The following PLXNA4 variants were observed in gnomAD, a reference collection of about 807,000 sequenced individuals.
PLXNA4 encodes plexin A4, also known as plexin-A4.
Under a neutral mutation model 191.8 loss-of-function variants are expected in PLXNA4, and 44 were observed. That is an observed-to-expected ratio of 0.23 (90% CI 0.18 to 0.29). The LOEUF (loss-of-function observed/expected upper bound fraction) is 0.29, where lower values mean the gene tolerates loss of function less well. Ranked by LOEUF, PLXNA4 falls within the 10% of genes least tolerant of loss-of-function variation. The probability of loss-of-function intolerance (pLI) is 1.00; values close to 1 mark genes in which losing one functional copy is unlikely to be tolerated. For missense variants in PLXNA4, 1,800 were observed against 2,488.8 expected, an observed-to-expected ratio of 0.72 and a Z score of 5.89; for synonymous variants, 1,082 against 1,009.5, an observed-to-expected ratio of 1.07 and a Z score of -1.36.
intron 3 of PLXNA4, among the ~76,000 whole-genome samples, chr7:132,448,669 T>C (rs1489370269): frequency 1.3e-5 from 2 of 152,200 alleles, no homozygotes; most frequent in African/African-American, 4.8e-5. Flanking sequence ...ATTTCTTCTC[T>C]AAGGAAAGCA....
chr7:132,577,465 C>G (rs1174328460), upstream of PLXNA4, among the ~76,000 whole-genome samples: 1 of 151,050 alleles, frequency 6.6e-6, no homozygotes, highest in Non-Finnish European at 1.5e-5. Context: ...CGCTCCCTCT[C>G]TGGCTCGCTC....
chr7:132,482,617 C>T (rs957553921), intron 3 of PLXNA4, among the ~76,000 whole-genome samples: 12 of 151,738 alleles, frequency 7.9e-5, no homozygotes, highest in African/African-American at 2.2e-4. Flanking sequence ...GAGTAGTTCA[C>T]GGCAATCGAT....
At chr7:132,436,730 G>A (rs999251485) in intron 3 of PLXNA4, among the ~76,000 whole-genome samples, 1 of 152,238 alleles carries the variant, frequency 6.6e-6, no homozygotes, top group African/African-American at 2.4e-5. Flanking sequence ...GACAGAGATA[G>A]TGAAAAGGTC....
At chr7:132,616,678 G>T (rs1324265260) in intron 2 of PLXNA4, among the ~76,000 whole-genome samples, 1 of 152,094 alleles carries the variant, frequency 6.6e-6, no homozygotes, top group Non-Finnish European at 1.5e-5. Flanking sequence ...AACTGTAAAA[G>T]GAGAAAACAA....
At chr7:132,136,303 C>T (rs1422096847) in intron 30 of PLXNA4, among the ~76,000 whole-genome samples, 1 of 152,222 alleles carries the variant, frequency 6.6e-6, no homozygotes, top group Non-Finnish European at 1.5e-5. Context: ...CAAGCATTCT[C>T]ATCTGCTGGC....
chr7:132,193,309 C>T lies in PLXNA4; in HGVS notation c.2856+753G>A, dbSNP rs181713306. 1.2e-4 allele frequency among the ~76,000 whole-genome samples: 19 copies of T among 152,324 alleles called. No homozygotes were observed. The Middle Eastern group carries it at 0.01, about 82-fold the overall frequency. The stretch of plus-strand genomic sequence containing the variant: ...CTTTTCGCTTTCTGCCACGAGGTGA[C>T]GCAGCAAGAAGGCACTTGCCAGATG... On this transcript the variant is annotated intron_variant, in intron 14 of 31. Coordinates refer to ENST00000321063, the MANE Select transcript of PLXNA4 (RefSeq NM_020911.2).
At chr7:132,230,422 A>T (rs1256348006) in intron 5 of PLXNA4, among the ~76,000 whole-genome samples, 1 of 152,162 alleles carries the variant, frequency 6.6e-6, no homozygotes, top group Non-Finnish European at 1.5e-5. Flanking sequence ...TTTGCCTGGC[A>T]CTGGGAAGCA....
chr7:132,374,662 C>T (rs1804585089), intron 3 of PLXNA4, among the ~76,000 whole-genome samples: 1 of 152,200 alleles, frequency 6.6e-6, no homozygotes, highest in Non-Finnish European at 1.5e-5. Context: ...CCCTCGAATG[C>T]TAACAACAGT....
intron 3 of PLXNA4, among the ~76,000 whole-genome samples, chr7:132,408,818 TGCAGATGAC>T (rs1794333358): frequency 6.6e-6 from 1 of 151,806 alleles, no homozygotes; most frequent in Admixed American, 6.6e-5. Flanking sequence ...CCATTACCTC[TGCAGATGAC>T]TGCAGAGAAG....
At position 132,193,226 on chromosome 7, in the gene PLXNA4, G is replaced by C. The variant is rs112554716; in HGVS notation, c.2856+836C>G. On this transcript the variant is annotated intron_variant, in intron 14 of 31. Transcript: ENST00000321063. ...ATGTTTATTATCAAAGAGTGGGTTT[G>C]TTATGAAAGGCAGTTCCACCCTCTC... Among the ~76,000 whole-genome samples the C allele has an allele frequency of 1.9e-3, 287 of 152,314 alleles. 2 individuals are homozygous for C. Among genetic ancestry groups the C allele is most frequent in the African/African-American group, 6.7e-3 (278 of 41,570 alleles).
At position 132,236,594 on chromosome 7, in the gene PLXNA4, C is replaced by T. The variant is rs1798709328; in HGVS notation, c.1604+4472G>A. Among the ~76,000 whole-genome samples the T allele has an allele frequency of 2.0e-5, 3 of 152,216 alleles. No individual in the cohort carries two copies. The South Asian group carries it at 6.2e-4, about 32-fold the overall frequency. On this transcript the variant is annotated intron_variant, in intron 5 of 31. Transcript: ENST00000321063. ...CCACTGTGAATCCAAGGCCTGGTTCCCCAAAATCTTTAGGGCAGAGATGAC... is the reference window on the plus strand; with the variant it reads ...CCACTGTGAATCCAAGGCCTGGTTCTCCAAAATCTTTAGGGCAGAGATGAC...
At chr7:132,152,806 G>T (rs1477492159) in intron 25 of PLXNA4, among the ~76,000 whole-genome samples, 1 of 152,166 alleles carries the variant, frequency 6.6e-6, no homozygotes, top group Non-Finnish European at 1.5e-5. Context: ...AAATCCTGGG[G>T]CAGAGTGACT....
intron 2 of PLXNA4, among the ~76,000 whole-genome samples, chr7:132,634,639 TC>T (rs1803559966): frequency 6.6e-6 from 1 of 152,178 alleles, no homozygotes; most frequent in Non-Finnish European, 1.5e-5. Flanking sequence ...TATTGCCCTC[TC>T]CCTTTTCCAC....
intron 3 of PLXNA4, among the ~76,000 whole-genome samples, chr7:132,380,515 T>C (rs564211937): frequency 2.6e-5 from 4 of 152,226 alleles, no homozygotes; most frequent in East Asian, 3.9e-4. Context: ...TCCTGGTGTG[T>C]TCCTAAAGTA....
At chr7:132,531,440 T>C (rs1242785127) in intron 1 of PLXNA4, among the ~76,000 whole-genome samples, 1 of 152,250 alleles carries the variant, frequency 6.6e-6, no homozygotes, top group East Asian at 1.9e-4. Context: ...GATATTATTA[T>C]GATCTTTATT....
chr7:132,275,212 T>C (rs1176231467), intron 4 of PLXNA4, among the ~76,000 whole-genome samples: 1 of 152,162 alleles, frequency 6.6e-6, no homozygotes, highest in Non-Finnish European at 1.5e-5. Context: ...GTCTTCTAAT[T>C]GTTTAAAATC....
At chr7:132,444,428 T>C (rs954230207) in intron 3 of PLXNA4, among the ~76,000 whole-genome samples, 3 of 152,230 alleles carry the variant, frequency 2.0e-5, no homozygotes, top group Non-Finnish European at 4.4e-5. Flanking sequence ...CTAATTTTTT[T>C]ACTCTTAGTA....
At chr7:132,446,693 A>G (rs1174465123) in intron 3 of PLXNA4, among the ~76,000 whole-genome samples, 2 of 152,238 alleles carry the variant, frequency 1.3e-5, no homozygotes, top group African/African-American at 4.8e-5. Flanking sequence ...ATGTTACCTC[A>G]TTGTATCCTC....
chr7:132,608,298 A>G (rs1314413321), intron 2 of PLXNA4, among the ~76,000 whole-genome samples: 4 of 151,944 alleles, frequency 2.6e-5, no homozygotes, highest in Non-Finnish European at 1.5e-5. Context: ...AGCTGGGCAC[A>G]CACTCTCCAG....
Sources: gnomAD v4.1 joint callset for allele counts (sites outside exome capture counted in the v4.1 genomes callset) on GRCh38, gnomAD v4.1.1 for gene constraint, MANE v1.5 for transcripts, NCBI Gene and HGNC (gene_info 2026-07-23, HGNC 2026-07-21) for gene names.